BRI3: variants seen among roughly 807,000 people sequenced by gnomAD.
BRI3 encodes membrane protein BRI3.
Under a neutral mutation model 12.8 loss-of-function variants are expected in BRI3, and 6 were observed. That is an observed-to-expected ratio of 0.47 (90% CI 0.26 to 0.93). The LOEUF (loss-of-function observed/expected upper bound fraction) is 0.93, where lower values mean the gene tolerates loss of function less well. BRI3 is among the 40% of genes least tolerant of loss of function. The pLI is 0.15. For synonymous variants in BRI3, 91 were observed against 76.1 expected, an observed-to-expected ratio of 1.20 and a Z score of -1.02; for missense variants, 134 against 171.1, an observed-to-expected ratio of 0.78 and a Z score of 1.21.
intron 1 of BRI3, chr7:98,307,452 A>G: frequency 7.2e-7 from 1 of 1,390,158 alleles, no homozygotes; most frequent in East Asian, 2.8e-5. Context: ...AACTACTTTC[A>G]GACAGGTGAC....
chr7:98,287,088 C>G (rs899786767), intron 2 of BRI3, among the ~76,000 whole-genome samples: 9 of 152,204 alleles, frequency 5.9e-5, no homozygotes, highest in African/African-American at 1.7e-4. Flanking sequence ...TCTCCCGGGC[C>G]GGGGTTCTCA....
At chr7:98,310,664 T>C, downstream of BRI3, 6 of 722,736 alleles carry the variant, frequency 8.3e-6, no homozygotes, top group African/African-American at 2.0e-5. Context: ...CCCAAGGCTG[T>C]TTTTTTTTTT....
chr7:98,309,721 C>T (rs1800800452), exon 2 of BRI3: 2 of 152,352 alleles, frequency 1.3e-5, no homozygotes, highest in South Asian at 4.2e-4. Context: ...AACCTTCACA[C>T]CATGGGGGCC....
chr7:98,319,856 GCTTT>G, the BRI3 span, among the ~76,000 whole-genome samples: 5 of 152,144 alleles, frequency 3.3e-5, no homozygotes, highest in East Asian at 5.8e-4. Flanking sequence ...TGGCCCCTAT[GCTTT>G]CTAATAAGAT....
At chr7:98,303,623 G>A (rs1785769934), upstream of BRI3, among the ~76,000 whole-genome samples, 1 of 152,182 alleles carries the variant, frequency 6.6e-6, no homozygotes, top group African/African-American at 2.4e-5. Context: ...CCCACACCAG[G>A]GCCTCTGTGC....
At chr7:98,314,773 G>A (rs377587180), downstream of BRI3, among the ~76,000 whole-genome samples, 2 of 152,158 alleles carry the variant, frequency 1.3e-5, no homozygotes, top group Admixed American at 1.3e-4. Context: ...TCGCCCAGGT[G>A]GGGTAGACCT....
At chr7:98,310,048 A>G in exon 2 of BRI3, 1 of 164,806 alleles carries the variant, frequency 6.1e-6, no homozygotes, top group South Asian at 1.4e-4. Flanking sequence ...ATGGGGTTTC[A>G]TCATGTTGGC....
intron 2 of BRI3, chr7:98,282,713 A>G: frequency 2.2e-6 from 1 of 454,140 alleles, no homozygotes; most frequent in Non-Finnish European, 4.0e-6. Flanking sequence ...TTGCACCCCA[A>G]GTGATTGGGA....
downstream of BRI3, chr7:98,310,577 C>A: frequency 6.3e-7 from 1 of 1,587,784 alleles, no homozygotes; most frequent in Admixed American, 1.9e-5. Context: ...GAAAGGGTGT[C>A]GTAATCTTTC....
At chr7:98,293,274 A>G (rs956595295), downstream of BRI3, 9 of 411,306 alleles carry the variant, frequency 2.2e-5, no homozygotes, top group African/African-American at 1.8e-4. Flanking sequence ...CTGTTTCTTG[A>G]ACAGAATAGG....
At chr7:98,303,292 G>A (rs1400671000), upstream of BRI3, among the ~76,000 whole-genome samples, 2 of 152,066 alleles carry the variant, frequency 1.3e-5, no homozygotes, top group Non-Finnish European at 2.9e-5. Context: ...CTAAGGCCCC[G>A]GACACAAGGT....
downstream of BRI3, chr7:98,292,545 C>A: frequency 8.2e-7 from 1 of 1,225,638 alleles, no homozygotes; most frequent in Non-Finnish European, 1.2e-6. Context: ...GCCCCGGGCT[C>A]AGGGCAGCCA....
the BRI3 span, among the ~76,000 whole-genome samples, chr7:98,318,683 G>A: frequency 2.6e-5 from 4 of 151,462 alleles, no homozygotes; most frequent in Non-Finnish European, 5.9e-5. Context: ...GGTGGCTCAC[G>A]CCTCTAATCC....
chr7:98,300,880 G>A (rs376709001), intron 1 of BRI3, among the ~76,000 whole-genome samples: 132 of 152,248 alleles, frequency 8.7e-4, no homozygotes, highest in African/African-American at 3.2e-3. Flanking sequence ...TTGTGTTTTT[G>A]CCGAAGCTCG....
downstream of BRI3, among the ~76,000 whole-genome samples, chr7:98,314,053 T>G (rs1275132774): frequency 6.9e-6 from 1 of 145,796 alleles, no homozygotes; most frequent in Non-Finnish European, 1.5e-5. Context: ...TGGTGTGATC[T>G]GGGCTCACTG....
intron 1 of BRI3, among the ~76,000 whole-genome samples, chr7:98,301,446 C>G (rs2116823876): frequency 6.7e-6 from 1 of 149,894 alleles, no homozygotes; most frequent in East Asian, 2.0e-4. Context: ...AAAATGAAAG[C>G]CTGAAAGCCT....
At chr7:98,292,666 G>A (rs977999844), downstream of BRI3, 7 of 1,551,480 alleles carry the variant, frequency 4.5e-6, no homozygotes, top group Middle Eastern at 1.7e-4. Context: ...GGCTTTACAC[G>A]TATCCTTTGA....
chr7:98,310,743 G>C, downstream of BRI3: 1 of 605,520 alleles, frequency 1.7e-6, no homozygotes, highest in Non-Finnish European at 2.6e-6. Context: ...CTGGAGTACA[G>C]TGGCACGATC....
At chr7:98,314,938 G>A (rs1379109763), downstream of BRI3, among the ~76,000 whole-genome samples, 1 of 152,200 alleles carries the variant, frequency 6.6e-6, no homozygotes, top group Non-Finnish European at 1.5e-5. Context: ...TTTAAATATG[G>A]ATGTATTATT....
Sources: gnomAD v4.1 joint callset for allele counts (sites outside exome capture counted in the v4.1 genomes callset) on GRCh38, gnomAD v4.1.1 for gene constraint, MANE v1.5 for transcripts, NCBI Gene and HGNC (gene_info 2026-07-23, HGNC 2026-07-21) for gene names.